Variants in ADGRL2 observed in about 807,000 individuals in gnomAD.
ADGRL2 encodes adhesion G protein-coupled receptor L2, also known as calcium-independent alpha-latrotoxin receptor 2.
ADGRL2 carries 44 observed loss-of-function variants against 157.4 expected under a neutral mutation model. The ratio of observed to expected loss-of-function variants is 0.28; its 90% CI spans 0.22 to 0.36. ADGRL2 has a LOEUF of 0.36. Among genes scored for constraint, ADGRL2 ranks in the 10% least tolerant of loss-of-function variants. ADGRL2 has a pLI of 1.00. For synonymous variants in ADGRL2, 585 were observed against 624.7 expected, an observed-to-expected ratio of 0.94 and a Z score of 0.95; for missense variants, 1,510 against 1,768.9, an observed-to-expected ratio of 0.85 and a Z score of 2.63.
intron 2 of ADGRL2, among the ~76,000 whole-genome samples, chr1:81,775,795 A>G (rs1205994256): frequency 6.6e-6 from 1 of 152,196 alleles, no homozygotes; most frequent in Non-Finnish European, 1.5e-5. Context: ...CATACCTTGT[A>G]AAAAGGTTGG....
At position 81,431,735 on chromosome 1, in the gene ADGRL2, T is replaced by A. The variant is rs183418985; in HGVS notation, c.-301-13301T>A. Among the ~76,000 whole-genome samples, 125 of 152,340 alleles carry A rather than the reference T, an allele frequency of 8.2e-4. 1 individual carries two copies. Among genetic ancestry groups the A allele is most frequent in the Admixed American group, 6.5e-3 (100 of 15,302 alleles). On this transcript the variant is annotated intron_variant, in intron 1 of 24. Coordinates refer to the ADGRL2 transcript ENST00000370721. ...AAATTGCCTGTTCTTTTTTGTAGGATAAGTGAATGTGGACTGATAGATTAC... is the reference window on the plus strand; with the variant it reads ...AAATTGCCTGTTCTTTTTTGTAGGAAAAGTGAATGTGGACTGATAGATTAC...
At chr1:81,853,200 C>T (rs1571685364) in intron 2 of ADGRL2, among the ~76,000 whole-genome samples, 1 of 152,314 alleles carries the variant, frequency 6.6e-6, no homozygotes, top group South Asian at 2.1e-4. Flanking sequence ...CAGTTCCCTT[C>T]ACCAGGTGCT....
chr1:81,905,556 C>T (rs1359891392), intron 2 of ADGRL2, among the ~76,000 whole-genome samples: 1 of 152,206 alleles, frequency 6.6e-6, no homozygotes. Context: ...AAACTAACAA[C>T]AACAACAGTT....
intron 1 of ADGRL2, among the ~76,000 whole-genome samples, chr1:81,357,164 T>C (rs67146168): frequency 0.047 from 7,210 of 152,068 alleles, 278 homozygotes; most frequent in African/African-American, 0.1. Context: ...TCCTGCTTCT[T>C]TGAAGGAGCA....
intron 1 of ADGRL2, among the ~76,000 whole-genome samples, chr1:81,357,259 T>C (rs796663031): frequency 2.9e-4 from 44 of 152,216 alleles, no homozygotes; most frequent in African/African-American, 1.0e-3. Flanking sequence ...TCATAGCCTA[T>C]GAAAAATTAA....
chr1:81,535,649 T>C (rs1413270511), intron 2 of ADGRL2, among the ~76,000 whole-genome samples: 1 of 152,140 alleles, frequency 6.6e-6, no homozygotes, highest in Non-Finnish European at 1.5e-5. Flanking sequence ...CATGTTTATG[T>C]GATTTACTTG....
At chr1:81,478,867 C>CA (rs1168011485) in intron 2 of ADGRL2, among the ~76,000 whole-genome samples, 1 of 151,074 alleles carries the variant, frequency 6.6e-6, no homozygotes, top group Admixed American at 6.6e-5. Flanking sequence ...TTCAATGGAA[C>CA]AAAAAATGAG....
At chr1:81,494,462 G>A (rs2078692894) in intron 2 of ADGRL2, among the ~76,000 whole-genome samples, 2 of 150,040 alleles carry the variant, frequency 1.3e-5, no homozygotes, top group Admixed American at 1.3e-4. Context: ...TGCTTCATGG[G>A]ATAAATAATA....
At chr1:81,600,762 C>G (rs1489116776) in intron 3 of ADGRL2, among the ~76,000 whole-genome samples, 1 of 152,188 alleles carries the variant, frequency 6.6e-6, no homozygotes, top group Non-Finnish European at 1.5e-5. Context: ...TCAAGACAGA[C>G]TAGTGGTGTA....
chr1:81,754,589 CTTTT>C (rs1202753680), intron 1 of ADGRL2, among the ~76,000 whole-genome samples: 6 of 130,058 alleles, frequency 4.6e-5, no homozygotes, highest in South Asian at 5.1e-4. Flanking sequence ...CTCTTTCTTT[CTTTT>C]CTTTTCTTTC....
chr1:81,679,719 G>T (rs1274817268), intron 3 of ADGRL2, among the ~76,000 whole-genome samples: 1 of 152,150 alleles, frequency 6.6e-6, no homozygotes, highest in Non-Finnish European at 1.5e-5. Flanking sequence ...AGAAAGAGAA[G>T]ATAGAGTTTA....
rs147744647 is a variant in ADGRL2, at chr1:81,408,971, C to T, written c.-301-36065C>T. 2.6e-5 allele frequency among the ~76,000 whole-genome samples: 4 copies of T among 152,290 alleles called. No individual in the cohort carries two copies. In the East Asian group the frequency reaches 7.7e-4, roughly 29 times the overall value. On this transcript the variant is annotated intron_variant, in intron 1 of 24. Coordinates refer to the ADGRL2 transcript ENST00000370721. ...GACTTAAACTGTTTTCAAATGTTCTCTCCAGTTCTGTTAGAAGCAATGTTC... is the reference window on the plus strand; with the variant it reads ...GACTTAAACTGTTTTCAAATGTTCTTTCCAGTTCTGTTAGAAGCAATGTTC...
chr1:81,378,627 T>A (rs374741285), intron 1 of ADGRL2, among the ~76,000 whole-genome samples: 1 of 149,308 alleles, frequency 6.7e-6, no homozygotes, highest in Admixed American at 6.7e-5. Context: ...ACTAGCAATG[T>A]AACCTCCCCA....
chr1:81,850,260 A>C (rs1324486784), intron 2 of ADGRL2, among the ~76,000 whole-genome samples: 1 of 151,950 alleles, frequency 6.6e-6, no homozygotes, highest in South Asian at 2.1e-4. Context: ...GTTAAGAGGC[A>C]GCAACTCTGT....
chr1:81,552,617 A>AAC (rs2080176713), intron 2 of ADGRL2, among the ~76,000 whole-genome samples: 1 of 151,320 alleles, frequency 6.6e-6, no homozygotes, highest in African/African-American at 2.4e-5. Context: ...AAAAAAAAAA[A>AAC]AAAAAAACAG....
chr1:81,337,616 A>G (rs1037882327), intron 1 of ADGRL2, among the ~76,000 whole-genome samples: 4 of 152,208 alleles, frequency 2.6e-5, no homozygotes, highest in Non-Finnish European at 5.9e-5. Context: ...CTGTGTTTTC[A>G]TGGTTGCTAA....
intron 2 of ADGRL2, among the ~76,000 whole-genome samples, chr1:81,863,692 G>A (rs2150839447): frequency 6.6e-6 from 1 of 152,266 alleles, no homozygotes; most frequent in East Asian, 1.9e-4. Context: ...GTGAACTCAA[G>A]AAACCAGGTA....
chr1:81,474,200 C>T (rs921088415), intron 2 of ADGRL2, among the ~76,000 whole-genome samples: 2 of 152,174 alleles, frequency 1.3e-5, no homozygotes, highest in African/African-American at 2.4e-5. Flanking sequence ...ACTGTTAATA[C>T]ATGAAAAATA....
chr1:81,738,654 T>C (rs777216070), intron 1 of ADGRL2, among the ~76,000 whole-genome samples: 23 of 152,234 alleles, frequency 1.5e-4, no homozygotes, highest in Non-Finnish European at 3.1e-4. Context: ...TTTTCTGTTA[T>C]GCATTGGCCA....
Sources: allele counts gnomAD v4.1 joint callset (sites outside exome capture counted in the v4.1 genomes callset), GRCh38; gene constraint gnomAD v4.1.1; transcripts MANE v1.5; gene names NCBI Gene and HGNC (gene_info 2026-07-23, HGNC 2026-07-21).